GAS7: variants seen among roughly 807,000 people sequenced by gnomAD.
GAS7 encodes the protein growth arrest-specific protein 7.
A neutral mutation model predicts 71.1 loss-of-function variants in GAS7; 28 were observed. That is an observed-to-expected ratio of 0.39 (90% confidence interval 0.29 to 0.54). GAS7 has a LOEUF of 0.54. Ranked by LOEUF, GAS7 falls within the 20% of genes least tolerant of loss-of-function variation. GAS7 has a pLI of 0.62. For synonymous variants in GAS7, 258 were observed against 245.8 expected (o/e 1.05, Z -0.46); for missense variants, 436 against 627.8 (o/e 0.69, Z 3.27).
At chr17:10,025,347 C>G (rs1050054661) in intron 1 of GAS7, among the ~76,000 whole-genome samples, 6 of 151,998 alleles carry the variant, frequency 3.9e-5, no homozygotes, top group African/African-American at 1.5e-4. Context: ...CTACTCAGCT[C>G]CATTTCCTCA....
At chr17:10,130,635 G>A (rs80307497) in intron 1 of GAS7, among the ~76,000 whole-genome samples, 8,303 of 152,190 alleles carry the variant, frequency 0.055, 316 homozygotes, top group South Asian at 0.15. Flanking sequence ...TAAACAAAAC[G>A]TGATCTATCC....
At chr17:10,047,993 C>CA (rs1282298666) in intron 1 of GAS7, among the ~76,000 whole-genome samples, 1 of 152,074 alleles carries the variant, frequency 6.6e-6, no homozygotes, top group African/African-American at 2.4e-5. Context: ...TAATGAATTG[C>CA]AAAAATAATC....
intron 1 of GAS7, among the ~76,000 whole-genome samples, chr17:10,048,145 T>C (rs2073006688): frequency 6.6e-6 from 1 of 152,060 alleles, no homozygotes; most frequent in African/African-American, 2.4e-5. Context: ...CTACTAAAAA[T>C]ACAAAAATTA....
chr17:10,017,621 G>A (rs1207464739), intron 2 of GAS7, among the ~76,000 whole-genome samples: 1 of 152,164 alleles, frequency 6.6e-6, no homozygotes, highest in Non-Finnish European at 1.5e-5. Flanking sequence ...GAGCCACCAT[G>A]CCTGGCCAGA....
intron 1 of GAS7, among the ~76,000 whole-genome samples, chr17:10,086,448 T>A (rs1345929718): frequency 6.6e-6 from 1 of 152,216 alleles, no homozygotes; most frequent in East Asian, 1.9e-4. Flanking sequence ...GCATTCCCGA[T>A]CCTTGGCATG....
intron 2 of GAS7, among the ~76,000 whole-genome samples, chr17:10,013,340 A>T (rs1343677327): frequency 6.6e-6 from 1 of 152,308 alleles, no homozygotes; most frequent in East Asian, 1.9e-4. Flanking sequence ...ACAGACTAAG[A>T]CAGTCTCCTT....
chr17:10,156,133 C>T (rs1194172806), intron 1 of GAS7, among the ~76,000 whole-genome samples: 1 of 152,246 alleles, frequency 6.6e-6, no homozygotes, highest in African/African-American at 2.4e-5. Context: ...AGCTCCGCCA[C>T]AATGTCCCTC....
intron 1 of GAS7, among the ~76,000 whole-genome samples, chr17:10,054,037 C>A (rs2073100816): frequency 6.6e-6 from 1 of 152,182 alleles, no homozygotes; most frequent in African/African-American, 2.4e-5. Context: ...GTAGGCACTC[C>A]ACTTTGAGAA....
chr17:9,951,873 G>A (rs1485483332), intron 5 of GAS7, among the ~76,000 whole-genome samples: 2 of 150,972 alleles, frequency 1.3e-5, no homozygotes, highest in African/African-American at 4.9e-5. Context: ...GGCCAGTCTT[G>A]TTCCCCCCAG....
intron 1 of GAS7, among the ~76,000 whole-genome samples, chr17:10,148,909 CAAAAAA>C (rs752140645): frequency 0.13 from 14,854 of 117,294 alleles, 934 homozygotes; most frequent in South Asian, 0.15. Context: ...GACTCCGCCT[CAAAAAA>C]AAAAAAAAAA....
At chr17:10,061,832 T>C (rs2073223592) in intron 1 of GAS7, among the ~76,000 whole-genome samples, 1 of 152,284 alleles carries the variant, frequency 6.6e-6, no homozygotes. Flanking sequence ...TTTCCTCTCC[T>C]GGTTTCTAGG....
chr17:9,925,387 A>T, intron 11 of GAS7, 89 bp downstream of exon 11: 1 of 1,349,968 alleles, frequency 7.4e-7, no homozygotes, highest in South Asian at 1.2e-5. Flanking sequence ...CAAAGGAGAG[A>T]TGCACCCTCG....
chr17:10,142,575 G>A (rs1399775360), intron 1 of GAS7, among the ~76,000 whole-genome samples: 1 of 152,064 alleles, frequency 6.6e-6, no homozygotes, highest in Non-Finnish European at 1.5e-5. Flanking sequence ...CACCATGTTC[G>A]CCAGGACCTC....
In GAS7 at chr17:9,964,846, A is replaced by G. The variant is rs997702053; in HGVS notation, c.471+4831T>C. 5.3e-5 allele frequency among the ~76,000 whole-genome samples: 8 copies of G among 152,200 alleles called. No homozygotes were observed. In the South Asian group the frequency reaches 1.0e-3, roughly 20 times the overall value. On this transcript the variant is annotated intron_variant, in intron 4 of 13. Transcript: ENST00000432992. ...AAGACCGAAATTGCTCAATAAGAAC[A>G]TGTGTTATTGAATTATTGAGGTAGG...
rs2072195319 is a variant in GAS7, at chr17:10,019,894, G to A, written c.187C>T (p.Pro63Ser). The change falls in exon 2 of 14, where the codon CCT (proline) becomes TCT (serine). Residue 63 changes from proline to serine, a missense_variant. Coordinates refer to ENST00000432992, the MANE Select transcript of GAS7 (RefSeq NM_201433.2). ...CCCGGCGGAGGGGGGACCATTCCAGGCTTCTGTTGGAGAAGAAAGAAAAGG... is the reference window on the plus strand; with the variant it reads ...CCCGGCGGAGGGGGGACCATTCCAGACTTCTGTTGGAGAAGAAAGAAAAGG... ...PASYVQLLEK[P>S]GMVPPPPGEE... 1 of 1,613,224 alleles carries A rather than the reference G, an allele frequency of 6.2e-7. No homozygotes were observed. Among genetic ancestry groups the A allele is most frequent in the South Asian group, 1.1e-5 (1 of 91,070 alleles).
intron 3 of GAS7, among the ~76,000 whole-genome samples, chr17:9,979,007 TC>T (rs2070310625): frequency 1.3e-5 from 2 of 151,770 alleles, no homozygotes; most frequent in South Asian, 2.1e-4. Context: ...CTGTAGCCCC[TC>T]CCCCCGGTGC....
chr17:10,045,904 C>A (rs573834517), intron 1 of GAS7, among the ~76,000 whole-genome samples: 9 of 152,148 alleles, frequency 5.9e-5, no homozygotes, highest in Non-Finnish European at 1.2e-4. Context: ...TGACTTATAT[C>A]CCACTGAAAT....
At chr17:9,977,523 T>C (rs898032479) in intron 3 of GAS7, among the ~76,000 whole-genome samples, 3 of 152,250 alleles carry the variant, frequency 2.0e-5, no homozygotes, top group Non-Finnish European at 1.5e-5. Flanking sequence ...AGTTACTGAA[T>C]GGCGTCTTAG....
intron 1 of GAS7, among the ~76,000 whole-genome samples, chr17:10,084,353 T>C (rs547455371): frequency 6.6e-6 from 1 of 152,182 alleles, no homozygotes; most frequent in South Asian, 2.1e-4. Flanking sequence ...AGTCAAAGGG[T>C]CCGTTGAGAT....
Sources: allele counts gnomAD v4.1 joint callset (sites outside exome capture counted in the v4.1 genomes callset), GRCh38; gene constraint gnomAD v4.1.1; transcripts MANE v1.5; gene names NCBI Gene and HGNC (gene_info 2026-07-23, HGNC 2026-07-21).